Variants in CDK6 observed in about 807,000 individuals in gnomAD.
CDK6 encodes cyclin-dependent kinase 6.
Under a neutral mutation model 37.1 loss-of-function variants are expected in CDK6, and 6 were observed. The observed-to-expected ratio is 0.16, with a 90% confidence interval of 0.09 to 0.32. The LOEUF (loss-of-function observed/expected upper bound fraction) is 0.32, where lower values mean the gene tolerates loss of function less well. Among genes scored for constraint, CDK6 ranks in the 10% least tolerant of loss-of-function variants. The pLI is 1.00. For missense variants in CDK6, 224 were observed against 418.9 expected (o/e 0.53, Z 4.06); for synonymous variants, 160 against 161.3 (o/e 0.99, Z 0.06).
At chr7:92,758,991 C>A (rs1179038347) in intron 3 of CDK6, among the ~76,000 whole-genome samples, 1 of 152,018 alleles carries the variant, frequency 6.6e-6, no homozygotes, top group African/African-American at 2.4e-5. Context: ...TGATTTTATA[C>A]CCCAAAACTT....
chr7:92,785,170 G>A (rs1800093415), intron 2 of CDK6, among the ~76,000 whole-genome samples: 2 of 151,924 alleles, frequency 1.3e-5, no homozygotes, highest in Non-Finnish European at 2.9e-5. Flanking sequence ...AACAAGGTGT[G>A]GTATATCCAT....
At chr7:92,651,444 C>G (rs1236924531) in intron 5 of CDK6, among the ~76,000 whole-genome samples, 1 of 152,080 alleles carries the variant, frequency 6.6e-6, no homozygotes, top group Non-Finnish European at 1.5e-5. Context: ...AAACAACAAA[C>G]AACAACAACA....
At chr7:92,653,843 G>A (rs981678503) in intron 5 of CDK6, among the ~76,000 whole-genome samples, 2 of 152,100 alleles carry the variant, frequency 1.3e-5, no homozygotes, top group African/African-American at 4.8e-5. Flanking sequence ...CTGGGCTTAA[G>A]CAATCCCCCT....
At chr7:92,635,650 C>T (rs914947427) in intron 5 of CDK6, among the ~76,000 whole-genome samples, 1 of 152,286 alleles carries the variant, frequency 6.6e-6, no homozygotes, top group Non-Finnish European at 1.5e-5. Flanking sequence ...ACTGTATTTC[C>T]TTCTCCTTTT....
chr7:92,780,025 C>T (rs1456361138), intron 2 of CDK6, among the ~76,000 whole-genome samples: 1 of 152,178 alleles, frequency 6.6e-6, no homozygotes, highest in East Asian at 1.9e-4. Context: ...GTTGTCCAGG[C>T]TGGAGTGCAG....
At chr7:92,725,520 C>CAACT in intron 4 of CDK6, 106 bp downstream of exon 4, 1 of 1,233,656 alleles carries the variant, frequency 8.1e-7, no homozygotes, top group Non-Finnish European at 1.1e-6. Flanking sequence ...TTCTATCCAC[C>CAACT]AACTAGTCAT....
chr7:92,692,266 A>AAAAGAAAGAAAGAAAG (rs57165480), intron 4 of CDK6, among the ~76,000 whole-genome samples: 22 of 147,908 alleles, frequency 1.5e-4, no homozygotes, highest in East Asian at 9.9e-4. Flanking sequence ...TCCGTCTCAA[A>AAAAGAAAGAAAGAAAG]AAAGAAAGAA....
intron 4 of CDK6, among the ~76,000 whole-genome samples, chr7:92,677,941 A>T (rs1010154725): frequency 6.6e-6 from 1 of 152,252 alleles, no homozygotes; most frequent in Non-Finnish European, 1.5e-5. Context: ...CTTTGCTTAG[A>T]CATTATTATA....
intron 5 of CDK6, among the ~76,000 whole-genome samples, chr7:92,650,702 A>AC (rs1796552731): frequency 1.3e-5 from 2 of 152,056 alleles, no homozygotes; most frequent in African/African-American, 4.8e-5. Context: ...ATTCAGTCTG[A>AC]TGTGGTTGTA....
At chr7:92,765,529 T>C (rs1393282969) in intron 3 of CDK6, among the ~76,000 whole-genome samples, 6 of 152,212 alleles carry the variant, frequency 3.9e-5, no homozygotes, top group Non-Finnish European at 5.9e-5. Context: ...TATTTTTCTG[T>C]AATATAAATA....
chr7:92,643,852 C>T (rs1043491183), intron 5 of CDK6, among the ~76,000 whole-genome samples: 7 of 152,148 alleles, frequency 4.6e-5, no homozygotes, highest in Non-Finnish European at 7.3e-5. Context: ...AGAAAAATCC[C>T]TTTAGAATCA....
At chr7:92,710,910 T>A (rs1051272563) in intron 4 of CDK6, 1 of 956,826 alleles carries the variant, frequency 1.0e-6, no homozygotes, top group Non-Finnish European at 1.2e-6. Context: ...AGTCAGAACA[T>A]GCTGGATGCT....
chr7:92,650,665 C>T (rs115635464), intron 5 of CDK6, among the ~76,000 whole-genome samples: 198 of 152,214 alleles, frequency 1.3e-3, no homozygotes, highest in African/African-American at 4.6e-3. Context: ...AAATCTGCTT[C>T]CAATCTCATA....
intron 4 of CDK6, among the ~76,000 whole-genome samples, chr7:92,693,286 C>A (rs965740514): frequency 6.6e-6 from 1 of 152,102 alleles, no homozygotes; most frequent in Admixed American, 6.5e-5. Context: ...GGTGCCTAGG[C>A]TTGAGAATAA....
At chr7:92,793,264 T>C (rs1415792279) in intron 2 of CDK6, among the ~76,000 whole-genome samples, 1 of 152,046 alleles carries the variant, frequency 6.6e-6, no homozygotes, top group Non-Finnish European at 1.5e-5. Flanking sequence ...AGACTTCATA[T>C]GATAATGCAA....
intron 5 of CDK6, among the ~76,000 whole-genome samples, chr7:92,662,978 G>A (rs1796871896): frequency 6.6e-6 from 1 of 152,160 alleles, no homozygotes; most frequent in South Asian, 2.1e-4. Context: ...GTTTGGGGAA[G>A]AAAGGAACTT....
chr7:92,618,212 A>G lies in CDK6; in HGVS notation c.699-5T>C. On this transcript the variant is annotated splice_polypyrimidine_tract_variant and splice_region_variant and intron_variant, in intron 6 of 7. Transcript: ENST00000424848. The stretch of plus-strand genomic sequence containing the variant: ...TCTCCTGGGAGTCCAATCACGCTAC[A>G]AAAGAACCACACATGGACATAAGCA... 1 of 1,613,884 alleles carries G rather than the reference A, an allele frequency of 6.2e-7. No homozygotes were observed. The highest frequency in any genetic ancestry group is 8.5e-7 in the Non-Finnish European group (1 of 1,179,882).
intron 3 of CDK6, among the ~76,000 whole-genome samples, chr7:92,729,858 T>C (rs1009561486): frequency 6.6e-6 from 1 of 152,148 alleles, no homozygotes; most frequent in African/African-American, 2.4e-5. Flanking sequence ...GTTCAAACAA[T>C]ACTCCTGAGT....
At chr7:92,617,386 C>T (rs375857952) in intron 7 of CDK6, among the ~76,000 whole-genome samples, 9 of 152,340 alleles carry the variant, frequency 5.9e-5, no homozygotes, top group South Asian at 4.1e-4. Context: ...GCTTCACCCA[C>T]GGGCAGAAGC....
Sources: allele counts gnomAD v4.1 joint callset (sites outside exome capture counted in the v4.1 genomes callset), GRCh38; gene constraint gnomAD v4.1.1; transcripts MANE v1.5; gene names NCBI Gene and HGNC (gene_info 2026-07-23, HGNC 2026-07-21).